Variants in GALNTL5 observed in about 807,000 individuals in gnomAD.
GALNTL5 encodes the protein polypeptide N-acetylgalactosaminyltransferase like 5, also known as inactive polypeptide N-acetylgalactosaminyltransferase-like protein 5.
GALNTL5 carries 44 observed loss-of-function variants against 51.0 expected under a neutral mutation model. That is an observed-to-expected ratio of 0.86 (90% CI 0.68 to 1.11). The LOEUF (loss-of-function observed/expected upper bound fraction) is 1.11. Ranked by LOEUF, GALNTL5 falls within the 50% of genes least tolerant of loss-of-function variation. GALNTL5 has a pLI of 0.00. For missense variants in GALNTL5, 528 were observed against 531.8 expected (o/e 0.99, Z 0.07); for synonymous variants, 192 against 182.8 (o/e 1.05, Z -0.41).
At chr7:152,004,292 C>A (rs1045975228) in intron 6 of GALNTL5, among the ~76,000 whole-genome samples, 4 of 150,102 alleles carry the variant, frequency 2.7e-5, no homozygotes, top group Admixed American at 1.3e-4. Flanking sequence ...GTCAGTATAC[C>A]TTTGTGTGAT....
chr7:151,981,868 G>A (rs915874968), intron 3 of GALNTL5, among the ~76,000 whole-genome samples: 9 of 150,262 alleles, frequency 6.0e-5, no homozygotes, highest in Non-Finnish European at 1.2e-4. Flanking sequence ...GGCTGGTCTC[G>A]AACTCCTGAC....
chr7:151,965,967 T>TTATA (rs199822310), intron 1 of GALNTL5, among the ~76,000 whole-genome samples: 1 of 151,300 alleles, frequency 6.6e-6, no homozygotes, highest in Non-Finnish European at 1.5e-5. Context: ...AAATTCACTA[T>TTATA]TATATATATA....
rs548853039 is a variant in GALNTL5, at chr7:151,980,520, C to T, written c.369-2466C>T. On this transcript the variant is annotated intron_variant, in intron 3 of 8. Coordinates refer to ENST00000392800, the MANE Select transcript of GALNTL5 (RefSeq NM_145292.4). ...CCCTGTCCCTCGGACTCTCCATTCCCTTGAGTCTGATGTCAGTTCCACTCA... is the reference window on the plus strand; with the variant it reads ...CCCTGTCCCTCGGACTCTCCATTCCTTTGAGTCTGATGTCAGTTCCACTCA... 3.9e-3 allele frequency among the ~76,000 whole-genome samples: 594 copies of T among 152,236 alleles called. 2 individuals carry two copies. The highest frequency in any genetic ancestry group is 0.01 in the Middle Eastern group (3 of 294).
chr7:151,996,981 G>A (rs2081508523), intron 5 of GALNTL5, among the ~76,000 whole-genome samples: 1 of 150,306 alleles, frequency 6.7e-6, no homozygotes, highest in Non-Finnish European at 1.5e-5. Context: ...CTGTGAAATT[G>A]ATACATACGC....
intron 5 of GALNTL5, among the ~76,000 whole-genome samples, chr7:151,998,769 C>CCA (rs2081532372): frequency 1.4e-5 from 1 of 73,402 alleles, no homozygotes; most frequent in East Asian, 9.5e-4. Context: ...GAGACTCTAT[C>CCA]TAAAAAAAAA....
intron 5 of GALNTL5, among the ~76,000 whole-genome samples, chr7:151,996,113 T>C (rs979082794): frequency 6.6e-6 from 1 of 152,228 alleles, no homozygotes; most frequent in East Asian, 1.9e-4. Flanking sequence ...TAGAAATGCT[T>C]ATGTATTTTA....
Position 152,002,788 on chromosome 7 carries a change from GC to G in GALNTL5, c.735del (p.Lys246ArgfsTer10). The G allele has an allele frequency of 6.2e-7, 1 of 1,614,148 alleles. No homozygotes were observed. Among genetic ancestry groups the G allele is most frequent in the South Asian group, 1.1e-5 (1 of 91,084 alleles). On this transcript the variant is annotated frameshift_variant, in exon 6 of 9. Transcript: ENST00000392800. LOFTEE classifies it high-confidence loss of function. ...GCTGGAGCCCCTGCTGCATGCCATTGCCAAGGACCCCAAAATGGTGGTGTGC... is the reference window on the plus strand; with the variant it reads ...GCTGGAGCCCCTGCTGCATGCCATTGCAAGGACCCCAAAATGGTGGTGTGC... ...VWLEPLLHAI[A>X]KDPKMVVCPL...
chr7:151,992,751 C>T (rs781426561), intron 5 of GALNTL5, among the ~76,000 whole-genome samples: 1 of 152,110 alleles, frequency 6.6e-6, no homozygotes, highest in Non-Finnish European at 1.5e-5. Context: ...CGTAGCACTA[C>T]GGTCTGGATT....
intron 4 of GALNTL5, chr7:151,985,718 A>G (rs1478145078): frequency 6.5e-6 from 1 of 152,906 alleles, no homozygotes; most frequent in Non-Finnish European, 1.5e-5. Context: ...CATGTCAGTG[A>G]CTGCTGCTGC....
intron 8 of GALNTL5, among the ~76,000 whole-genome samples, chr7:152,017,940 C>T (rs10278016): frequency 3.9e-5 from 6 of 152,088 alleles, no homozygotes; most frequent in South Asian, 4.1e-4. Context: ...CCACCTCCCA[C>T]GTTCAGTGAT....
chr7:151,970,164 A>G (rs1318624592), intron 2 of GALNTL5, among the ~76,000 whole-genome samples: 2 of 141,194 alleles, frequency 1.4e-5, no homozygotes, highest in Non-Finnish European at 3.1e-5. Flanking sequence ...GGCCCCCACC[A>G]ATAGACGCCT....
At chr7:151,996,444 A>C (rs954269102) in intron 5 of GALNTL5, among the ~76,000 whole-genome samples, 11 of 152,260 alleles carry the variant, frequency 7.2e-5, no homozygotes, top group Non-Finnish European at 2.9e-5. Context: ...AATTGGAAAG[A>C]TACAGCAATA....
At chr7:151,981,589 CCCTCCTTCCTTCCT>C (rs2081289805) in intron 3 of GALNTL5, among the ~76,000 whole-genome samples, 1 of 41,070 alleles carries the variant, frequency 2.4e-5, no homozygotes, top group African/African-American at 1.3e-4. Context: ...TTCCTTCCTT[CCCTCCTTCCTTCCT>C]TCCCTCCTTC....
intron 5 of GALNTL5, 103 bp from the exon 6 acceptor site, chr7:152,002,611 C>A: frequency 8.0e-7 from 1 of 1,256,968 alleles, no homozygotes. Flanking sequence ...GAGCCAAACA[C>A]ATAGTAAATG....
At chr7:151,967,649 A>G (rs2081076756) in intron 2 of GALNTL5, among the ~76,000 whole-genome samples, 156 bp downstream of exon 2, 1 of 152,226 alleles carries the variant, frequency 6.6e-6, no homozygotes, top group African/African-American at 2.4e-5. Flanking sequence ...CATAGAAAAT[A>G]ATAAAACAAG....
At chr7:152,001,443 A>G (rs537479800) in intron 5 of GALNTL5, among the ~76,000 whole-genome samples, 3 of 152,250 alleles carry the variant, frequency 2.0e-5, no homozygotes, top group Admixed American at 2.0e-4. Flanking sequence ...TTAGTATGAT[A>G]TGAGGTAGGG....
Position 151,997,063 on chromosome 7 carries a change from G to T in GALNTL5, c.659-5651G>T, listed in dbSNP as rs1314438520. On this transcript the variant is annotated intron_variant, in intron 5 of 8. Transcript: ENST00000392800. ...AATCCCTAGAGAAATGGTGCAAATAGACTACGACAGGAGAGCAGAAAATAA... is the reference window on the plus strand; with the variant it reads ...AATCCCTAGAGAAATGGTGCAAATATACTACGACAGGAGAGCAGAAAATAA... 2.6e-5 allele frequency among the ~76,000 whole-genome samples: 4 copies of T among 152,162 alleles called. No homozygotes were observed. The East Asian group carries it at 5.8e-4, about 22-fold the overall frequency.
chr7:152,004,857 G>A (rs746665666), intron 6 of GALNTL5, among the ~76,000 whole-genome samples: 21 of 152,066 alleles, frequency 1.4e-4, no homozygotes, highest in Admixed American at 7.9e-4. Flanking sequence ...CTTCCACTGA[G>A]GGACACTTTA....
rs551986064 is a variant in GALNTL5 at position 151,983,335 on chromosome 7, G to A, written c.535+183G>A. ...TGGGATTACAGGTGCATGCCACCAC[G>A]CCCGGCTAATTTTTGTATTTTTAGT... On this transcript the variant is annotated intron_variant, in intron 4 of 8. Transcript: ENST00000392800. Among the ~76,000 whole-genome samples the A allele has an allele frequency of 2.2e-4, 33 of 152,078 alleles. No individual in the cohort carries two copies. The East Asian group carries it at 2.3e-3, about 11-fold the overall frequency.
Sources: allele counts gnomAD v4.1 joint callset (sites outside exome capture counted in the v4.1 genomes callset), GRCh38; gene constraint gnomAD v4.1.1; transcripts MANE v1.5; gene names NCBI Gene and HGNC (gene_info 2026-07-23, HGNC 2026-07-21).